Variants in PTGS2 observed in about 807,000 individuals in gnomAD.
PTGS2 encodes the protein prostaglandin-endoperoxide synthase 2.
PTGS2 carries 14 observed loss-of-function variants against 63.8 expected under a neutral mutation model. The ratio of observed to expected loss-of-function variants is 0.22; its 90% CI spans 0.14 to 0.34. The LOEUF (loss-of-function observed/expected upper bound fraction) is 0.34. PTGS2 is among the 10% of genes least tolerant of loss of function. The probability of loss-of-function intolerance (pLI) is 1.00; values close to 1 mark genes in which losing one functional copy is unlikely to be tolerated. For synonymous variants in PTGS2, 271 were observed against 259.5 expected (o/e 1.04, Z -0.43); for missense variants, 533 against 738.5 (o/e 0.72, Z 3.23).
chr1:186,675,007 T>G (rs1029344018), intron 9 of PTGS2, among the ~76,000 whole-genome samples: 1 of 152,128 alleles, frequency 6.6e-6, no homozygotes, highest in Admixed American at 6.5e-5. Context: ...TGAAACCCCG[T>G]CTATACTGAA....
At position 186,677,635 on chromosome 1, in the gene PTGS2, T is replaced by C; in HGVS notation, c.639+14A>G. The C allele has an allele frequency of 6.3e-7, 1 of 1,584,534 alleles. No individual in the cohort carries two copies. The highest frequency in any genetic ancestry group is 8.6e-7 in the Non-Finnish European group (1 of 1,165,580). Reference sequence around the variant, plus strand: ...TATAATTTTACTAACTCTAAGATATTAACTCTATCTTACCCCATGGCCCAG... The same window carrying C: ...TATAATTTTACTAACTCTAAGATATCAACTCTATCTTACCCCATGGCCCAG... On this transcript the variant is annotated intron_variant, in intron 5 of 9. Transcript: ENST00000367468.
At chr1:186,677,935 T>C (rs1341330708) in intron 4 of PTGS2, 105 bp from the exon 5 acceptor site, 1 of 1,095,900 alleles carries the variant, frequency 9.1e-7, no homozygotes, top group East Asian at 2.6e-5. Context: ...GAATTACAAT[T>C]GTGAATAGGA....
At chr1:186,675,510 T>G in intron 8 of PTGS2, 114 bp from the exon 9 acceptor site, 1 of 1,225,516 alleles carries the variant, frequency 8.2e-7, no homozygotes, top group Non-Finnish European at 1.1e-6. Context: ...GGAGACAATT[T>G]TTATTTGCTG....
Position 186,679,159 on chromosome 1 carries a change from G to C in PTGS2, c.212C>G (p.Pro71Arg). 6.2e-7 allele frequency: 1 copy of C among 1,613,808 alleles called. No homozygotes were observed. The highest frequency in any genetic ancestry group is 8.5e-7 in the Non-Finnish European group (1 of 1,179,906). Residue 71 changes from proline (P) to arginine (R), a missense_variant, in exon 3 of 10, where the codon CCA (proline) becomes CGA (arginine). Coordinates refer to ENST00000367468, the MANE Select transcript of PTGS2 (RefSeq NM_000963.4). ...GGTAAGTATGTAGTGCACTGTGTTT[G>C]GAGTGGGTTTCAGAAATAATTTTAT... ...TRIKLFLKPT[P>R]NTVHYILTHF... is the part of the protein sequence containing the mutation.
At chr1:186,676,963 C>A in intron 5 of PTGS2, 47 bp from the exon 6 acceptor site, 1 of 1,413,498 alleles carries the variant, frequency 7.1e-7, no homozygotes, top group Non-Finnish European at 9.9e-7. Flanking sequence ...TGAAGTTTTT[C>A]TTATATAAAG....
Position 186,676,712 on chromosome 1 carries a change from A to T in PTGS2, c.725T>A (p.Ile242Lys). 6.3e-7 allele frequency: 1 copy of T among 1,599,816 alleles called. No homozygotes were observed. Among genetic ancestry groups the T allele is most frequent in the Non-Finnish European group, 8.5e-7 (1 of 1,174,650 alleles). Reference protein sequence around the residue: ...LFKDGKMKYQIIDGEMYPPTV... With the variant: ...LFKDGKMKYQKIDGEMYPPTV... ...GGGAGGATACATCTCTCCATCAATT[A>T]TCTAAAAAAATAAATAAATAAATAA... The change falls in exon 7 of 10, where the codon ATA becomes AAA. Residue 242 changes from isoleucine (I) to lysine (K), a missense_variant and splice_region_variant. Coordinates refer to ENST00000367468, the MANE Select transcript of PTGS2 (RefSeq NM_000963.4).
rs1032004724 is a variant in PTGS2, at chr1:186,680,311, G to A, written c.-21C>T. On this transcript the variant is annotated 5_prime_UTR_variant, in exon 1 of 10. Transcript: ENST00000367468. ...AGCATCGCAGCGGCGGGCAGGGCGC[G>A]GCGCGGGGGTAGGCTTTGCTGTCTG... is the stretch of plus-strand genomic sequence containing the variant. The A allele has an allele frequency of 1.3e-6, 2 of 1,532,980 alleles. No homozygotes were observed. Among genetic ancestry groups the A allele is most frequent in the Admixed American group, 2.0e-5 (1 of 49,536 alleles). 95.0% of individuals were successfully genotyped at this position (1,532,980 alleles called of 1,614,324 possible).
intron 1 of PTGS2, 124 bp downstream of exon 1, chr1:186,680,115 A>G: frequency 1.4e-6 from 2 of 1,430,736 alleles, no homozygotes; most frequent in South Asian, 2.6e-5. Flanking sequence ...GCTCTTTCCC[A>G]AGTCACGTAG....
chr1:186,675,987 A>G lies in PTGS2; in HGVS notation c.1168T>C (p.Tyr390His), dbSNP rs201708424. The change falls in exon 8 of 10, where the codon TAT becomes CAT. Residue 390 changes from tyrosine (Y) to histidine (H), a missense_variant. By Grantham distance (83) the Tyr-to-His change is moderately conservative (BLOSUM62 2). Around this residue, in one of 5 missense-constraint regions of PTGS2, gnomAD observed 219 missense variants for 267.4 expected, o/e 0.82. Coordinates refer to ENST00000367468, the MANE Select transcript of PTGS2 (RefSeq NM_000963.4). ...GAGTTGTTGTAGATAAACTGTTGAT[A>G]GTTGTATTTCTGGTCATGAATTTGA... ...TFQIHDQKYN[Y>H]QQFIYNNSIL... The G allele has an allele frequency of 1.9e-6, 3 of 1,613,986 alleles. No individual in the cohort carries two copies. The highest frequency in any genetic ancestry group is 4.5e-5 in the East Asian group (2 of 44,868).
In PTGS2 at chr1:186,673,093, GAAGAA is replaced by G. The variant is rs1468188451; in HGVS notation, c.*1255_*1259del. 2 of 152,094 alleles carry G rather than the reference GAAGAA, an allele frequency of 1.3e-5. No homozygotes were observed. The highest frequency in any genetic ancestry group is 4.8e-5 in the African/African-American group (2 of 41,428). 9.4% of individuals were successfully genotyped at this position (152,094 alleles called of 1,614,324 possible). On this transcript the variant is annotated 3_prime_UTR_variant, in exon 10 of 10. Coordinates refer to ENST00000367468, the MANE Select transcript of PTGS2 (RefSeq NM_000963.4). ...GTGTCTCTTAGCAAAATGGCTAAAAGAAGAAAAGAAAAGGAACAGCATGCAGGTAG... is the reference window on the plus strand; with the variant it reads ...GTGTCTCTTAGCAAAATGGCTAAAAGAAGAAAAGGAACAGCATGCAGGTAG...
chr1:186,673,364 A>G lies in PTGS2; in HGVS notation c.*989T>C, dbSNP rs1260717305. On this transcript the variant is annotated 3_prime_UTR_variant, in exon 10 of 10. Coordinates refer to ENST00000367468, the MANE Select transcript of PTGS2 (RefSeq NM_000963.4). Reference sequence around the variant, plus strand: ...AATCTGAGTACCAGGCCTGCAGTGCACAAGGATAAAAAAAAGTTTGCTTCA... The same window carrying G: ...AATCTGAGTACCAGGCCTGCAGTGCGCAAGGATAAAAAAAAGTTTGCTTCA... 1 of 152,202 alleles carries G rather than the reference A, an allele frequency of 6.6e-6. No individual in the cohort carries two copies. Among genetic ancestry groups the G allele is most frequent in the Non-Finnish European group, 1.5e-5 (1 of 68,022 alleles). The allele number at this position is 152,202 out of a possible 1,614,324, so 9.4% of individuals were successfully genotyped here.
chr1:186,678,929 C>T, intron 3 of PTGS2, 129 bp downstream of exon 3: 2 of 1,208,990 alleles, frequency 1.7e-6, no homozygotes, highest in African/African-American at 3.1e-5. Flanking sequence ...AGATGGAAGG[C>T]AAACTTAAAA....
rs886318986 is a variant in PTGS2, at chr1:186,680,316, G to C, written c.-26C>G. 1 of 1,527,096 alleles carries C rather than the reference G, an allele frequency of 6.5e-7. No homozygotes were observed. Among genetic ancestry groups the C allele is most frequent in the Non-Finnish European group, 8.8e-7 (1 of 1,134,466 alleles). 94.6% of individuals were successfully genotyped at this position (1,527,096 alleles called of 1,614,324 possible). A position where few individuals can be genotyped will look rare whatever the true frequency, so the allele number is the denominator to read the frequency against. ...CGCAGCGGCGGGCAGGGCGCGGCGC[G>C]GGGGTAGGCTTTGCTGTCTGAGGGC... On this transcript the variant is annotated 5_prime_UTR_variant, in exon 1 of 10. Transcript: ENST00000367468.
In PTGS2 at chr1:186,676,703, C is replaced by T. The variant is rs1232662636; in HGVS notation, c.734G>A (p.Gly245Glu). Reference protein sequence around the residue: ...DGKMKYQIIDGEMYPPTVKDT... With the variant: ...DGKMKYQIIDEEMYPPTVKDT... ...TTTGACTGTGGGAGGATACATCTCTCCATCAATTATCTAAAAAAATAAATA... is the reference window on the plus strand; with the variant it reads ...TTTGACTGTGGGAGGATACATCTCTTCATCAATTATCTAAAAAAATAAATA... Residue 245 changes from glycine to glutamate, a missense_variant, in exon 7 of 10, where the codon GGA becomes GAA. By Grantham distance (98) the Gly-to-Glu change is moderately conservative (BLOSUM62 -2). This residue lies in a region of PTGS2 where 118 missense variants were observed against 138.7 expected (regional missense o/e 0.85). Transcript: ENST00000367468. 1 of 1,605,776 alleles carries T rather than the reference C, an allele frequency of 6.2e-7. No homozygotes were observed. The highest frequency in any genetic ancestry group is 1.3e-5 in the African/African-American group (1 of 74,340).
intron 9 of PTGS2, 145 bp from the exon 10 acceptor site, chr1:186,674,907 G>GC: frequency 2.0e-6 from 2 of 1,006,412 alleles, no homozygotes; most frequent in Non-Finnish European, 2.8e-6. Flanking sequence ...GGCCAGGCGC[G>GC]GTGGCTCACG....
rs776081537 is a variant in PTGS2, at chr1:186,674,677, C to G, written c.1491G>C (p.Lys497Asn). ...VELYPALLVE[K>N]PRPDAIFGET... ...CACCAAAGATGGCATCTGGCCGAGG[C>G]TTTTCTACCAGAAGGGCAGGATACA... Residue 497 changes from lysine to asparagine, a missense_variant, in exon 10 of 10, where the codon AAG becomes AAC. Transcript: ENST00000367468. 3 of 1,614,090 alleles carry G rather than the reference C, an allele frequency of 1.9e-6. No individual in the cohort carries two copies.
intron 6 of PTGS2, 52 bp from the exon 7 acceptor site, chr1:186,676,765 T>C (rs1434436100): frequency 6.3e-7 from 1 of 1,595,944 alleles, no homozygotes; most frequent in Non-Finnish European, 8.5e-7. Context: ...AAGGAACACA[T>C]TTTTAGGGAT....
intron 5 of PTGS2, 86 bp downstream of exon 5, chr1:186,677,563 A>G: frequency 3.1e-6 from 4 of 1,276,450 alleles, no homozygotes; most frequent in Non-Finnish European, 4.2e-6. Flanking sequence ...ATTTGGATCT[A>G]TCTATCTGTA....
intron 6 of PTGS2, 30 bp from the exon 7 acceptor site, chr1:186,676,743 A>T: frequency 6.3e-7 from 1 of 1,598,648 alleles, no homozygotes; most frequent in Non-Finnish European, 8.5e-7. Flanking sequence ...AATAAACATC[A>T]GTTAAAAAGT....
Sources: allele counts gnomAD v4.1 joint callset (sites outside exome capture counted in the v4.1 genomes callset), GRCh38; gene constraint gnomAD v4.1.1; regional missense constraint gnomAD v4.1.1; transcripts MANE v1.5; gene names NCBI Gene and HGNC (gene_info 2026-07-23, HGNC 2026-07-21).